GLT8D2: variants seen among roughly 807,000 people sequenced by gnomAD.
The protein encoded by GLT8D2 is glycosyltransferase 8 domain containing 2, also known as glycosyltransferase 8 domain-containing protein 2.
In GLT8D2, 45 loss-of-function variants were observed where a neutral mutation model predicts 44.5. That is an observed-to-expected ratio of 1.01 (90% CI 0.80 to 1.30). GLT8D2 has a LOEUF of 1.30. Ranked by LOEUF, GLT8D2 falls within the 50% of genes most tolerant of loss-of-function variation. The pLI is 0.00. For missense variants in GLT8D2, 400 were observed against 430.4 expected, an observed-to-expected ratio of 0.93 and a Z score of 0.62; for synonymous variants, 156 against 157.2, an observed-to-expected ratio of 0.99 and a Z score of 0.06.
rs186524230 is a variant in GLT8D2 at position 104,057,609 on chromosome 12, C to A, written c.-423+6340G>T. ...TATTAGGTTTACAATTTTTTCATTT[C>A]TCTATATATTTATATCCAACAGTAA... On this transcript the variant is annotated intron_variant, in intron 1 of 10. Coordinates refer to the GLT8D2 transcript ENST00000548660. Among the ~76,000 whole-genome samples, 590 of 149,308 alleles carry A rather than the reference C, an allele frequency of 4.0e-3. 2 individuals are homozygous for A. The highest frequency in any genetic ancestry group is 7.2e-3 in the Non-Finnish European group (484 of 67,578).
At chr12:104,007,934 T>C (rs1170671557) in intron 4 of GLT8D2, among the ~76,000 whole-genome samples, 2 of 152,208 alleles carry the variant, frequency 1.3e-5, no homozygotes, top group African/African-American at 2.4e-5. Context: ...GCTGCTGCCA[T>C]GTAAGAAGTG....
At chr12:104,020,566 G>T (rs1004985876) in intron 2 of GLT8D2, among the ~76,000 whole-genome samples, 1 of 152,204 alleles carries the variant, frequency 6.6e-6, no homozygotes, top group African/African-American at 2.4e-5. Context: ...GGGGGAAACA[G>T]ATATTAAAAT....
chr12:104,027,907 C>A (rs1212284051), intron 1 of GLT8D2, among the ~76,000 whole-genome samples: 3 of 152,158 alleles, frequency 2.0e-5, no homozygotes, highest in African/African-American at 7.2e-5. Context: ...AATTGGGGTC[C>A]AGATAACAGA....
chr12:104,012,865 C>T (rs1211601556), intron 4 of GLT8D2: 3 of 691,884 alleles, frequency 4.3e-6, no homozygotes, highest in Non-Finnish European at 7.9e-6. Context: ...CACAGAGGGT[C>T]ACAGCCAGGA....
intron 2 of GLT8D2, among the ~76,000 whole-genome samples, chr12:104,019,950 C>T (rs1053759617): frequency 6.6e-6 from 1 of 152,078 alleles, no homozygotes; most frequent in Non-Finnish European, 1.5e-5. Context: ...GATAGAGTCT[C>T]GCTCCATCAC....
At chr12:104,034,599 C>G (rs920676919) in intron 1 of GLT8D2, among the ~76,000 whole-genome samples, 1 of 152,238 alleles carries the variant, frequency 6.6e-6, no homozygotes, top group Non-Finnish European at 1.5e-5. Context: ...AGGGCGTCCA[C>G]CATTGCTGAG....
At chr12:103,997,760 C>G (rs1023424784) in intron 6 of GLT8D2, among the ~76,000 whole-genome samples, 5 of 152,206 alleles carry the variant, frequency 3.3e-5, no homozygotes, top group Non-Finnish European at 7.3e-5. Flanking sequence ...CTCCTAGATA[C>G]AAACCCCCTA....
At chr12:104,019,727 T>C (rs777437847) in intron 2 of GLT8D2, 51 bp from the exon 3 acceptor site, 18 of 1,248,022 alleles carry the variant, frequency 1.4e-5, no homozygotes, top group Non-Finnish European at 1.9e-5. Flanking sequence ...AACTTAAAAC[T>C]CATCAACAAG....
intron 1 of GLT8D2, among the ~76,000 whole-genome samples, chr12:104,047,840 TTCTTTCACAAAAAGCCTTTA>T (rs1881334232): frequency 6.6e-6 from 1 of 152,238 alleles, no homozygotes; most frequent in Non-Finnish European, 1.5e-5. Context: ...GCATGAGAAA[TTCTTTCACAAAAAGCCTTTA>T]GAGTAGGGGT....
chr12:104,002,717 G>A lies in GLT8D2; in HGVS notation c.284+418C>T, dbSNP rs1874382672. 3.3e-5 allele frequency among the ~76,000 whole-genome samples: 5 copies of A among 152,310 alleles called. No homozygotes were observed. In the South Asian group the frequency reaches 1.0e-3, roughly 32 times the overall value. ...CCAGCATTTTGGGAGGCTGAGGAGG[G>A]AGGATTGCTTGAACCCAGGATTTCA... On this transcript the variant is annotated intron_variant, in intron 5 of 10. Transcript: ENST00000360814.
Position 103,994,326 on chromosome 12 carries a change from T to G in GLT8D2, c.767+9A>C, listed in dbSNP as rs765038288. 8.7e-6 allele frequency: 14 copies of G among 1,601,852 alleles called. 1 individual carries two copies. In the South Asian group the frequency reaches 1.2e-4, roughly 14 times the overall value. ...GCATGGAAAAAATGGTAGAGAAGCC[T>G]TCACGTACTCCACATTCTTTTGCAT... On this transcript the variant is annotated intron_variant, in intron 9 of 10. Transcript: ENST00000360814.
upstream of GLT8D2, among the ~76,000 whole-genome samples, chr12:104,054,072 T>G (rs1762664160): frequency 6.6e-6 from 1 of 152,064 alleles, no homozygotes; most frequent in African/African-American, 2.4e-5. Flanking sequence ...TCAAATTAAT[T>G]AACACATCCA....
At chr12:103,990,816 G>A (rs572860955) in intron 10 of GLT8D2, among the ~76,000 whole-genome samples, 2 of 152,286 alleles carry the variant, frequency 1.3e-5, no homozygotes, top group Non-Finnish European at 2.9e-5. Flanking sequence ...ACCTTCCCAT[G>A]AAAAGTCTCT....
intron 5 of GLT8D2, 102 bp downstream of exon 5, chr12:104,003,033 A>C: frequency 1.2e-6 from 1 of 821,732 alleles, no homozygotes; most frequent in Non-Finnish European, 2.0e-6. Context: ...AGAGAAGGCA[A>C]GAAAGAAAGA....
At chr12:104,021,962 AG>A (rs1877852125) in intron 1 of GLT8D2, among the ~76,000 whole-genome samples, 3 of 51,352 alleles carry the variant, frequency 5.8e-5, no homozygotes, top group African/African-American at 8.8e-5. Context: ...AAGAGGAAGA[AG>A]AGGAAGAGGA....
intron 5 of GLT8D2, 70 bp from the exon 6 acceptor site, chr12:103,999,584 G>A (rs574890641): frequency 2.3e-6 from 2 of 886,626 alleles, no homozygotes; most frequent in Non-Finnish European, 3.8e-6. Context: ...ATTGCCCCAA[G>A]GTCAATCTGT....
intron 3 of GLT8D2, among the ~76,000 whole-genome samples, chr12:104,019,218 C>T (rs1240734487): frequency 6.6e-6 from 1 of 151,300 alleles, no homozygotes; most frequent in African/African-American, 2.4e-5. Flanking sequence ...GCCTCTGCCT[C>T]CCAGGCTCAA....
intron 3 of GLT8D2, among the ~76,000 whole-genome samples, chr12:104,019,118 CT>C (rs11291563): frequency 0.45 from 52,097 of 116,232 alleles, 8,940 homozygotes; most frequent in East Asian, 0.69. Flanking sequence ...ACTTCTTCTT[CT>C]TTTTTTTTTT....
Position 104,046,354 on chromosome 12 carries a change from C to A in GLT8D2, c.-164+3541G>T, listed in dbSNP as rs566271782. Among the ~76,000 whole-genome samples the A allele has an allele frequency of 1.6e-4, 25 of 152,326 alleles. No individual in the cohort carries two copies. The South Asian group carries it at 4.6e-3, about 28-fold the overall frequency. On this transcript the variant is annotated intron_variant, in intron 1 of 10. Transcript: ENST00000360814. ...TCATTCACGGATTATCACAACAACT[C>A]CTTAAAGTTATTATTCCAATACACA...
Sources: allele counts gnomAD v4.1 joint callset (sites outside exome capture counted in the v4.1 genomes callset), GRCh38; gene constraint gnomAD v4.1.1; transcripts MANE v1.5; gene names NCBI Gene and HGNC (gene_info 2026-07-23, HGNC 2026-07-21).